The following CREB3L1 variants were observed in gnomAD, a reference collection of about 807,000 sequenced individuals.
CREB3L1 encodes cAMP responsive element binding protein 3 like 1.
Under a neutral mutation model 54.5 loss-of-function variants are expected in CREB3L1, and 33 were observed. That is an observed-to-expected ratio of 0.61 (90% CI 0.46 to 0.81). The LOEUF is 0.81. Among genes scored for constraint, CREB3L1 ranks in the 30% least tolerant of loss-of-function variants. The probability of loss-of-function intolerance (pLI) is 0.00; values close to 1 mark genes in which losing one functional copy is unlikely to be tolerated. For synonymous variants in CREB3L1, 284 were observed against 286.4 expected (o/e 0.99, Z 0.08); for missense variants, 656 against 673.3 (o/e 0.97, Z 0.29).
chr11:46,302,168 AAATAATAATAATAATAATAATAAT>A (rs61146206), intron 2 of CREB3L1, among the ~76,000 whole-genome samples: 5 of 135,628 alleles, frequency 3.7e-5, no homozygotes, highest in African/African-American at 1.1e-4. Context: ...GCTCCGTCTC[AAATAATAATAATAATAATAATAAT>A]AATAATAATA....
At chr11:46,296,807 A>G (rs746729051) in intron 1 of CREB3L1, among the ~76,000 whole-genome samples, 16 of 151,802 alleles carry the variant, frequency 1.1e-4, no homozygotes, top group Non-Finnish European at 2.1e-4. Context: ...TGGAAGCTCC[A>G]TCCTGCTGGG....
chr11:46,304,395 C>A lies in CREB3L1; in HGVS notation c.332-3421C>A, dbSNP rs573258514. ...GCTGAGGCAGTAGAATCGGTGAACC[C>A]GGGAGGCAGAGGTTGCGGTGAACTG... On this transcript the variant is annotated intron_variant, in intron 2 of 11. Transcript: ENST00000621158. 2.0e-5 allele frequency among the ~76,000 whole-genome samples: 3 copies of A among 152,178 alleles called. No homozygotes were observed. In the South Asian group the frequency reaches 6.2e-4, roughly 32 times the overall value.
chr11:46,321,106 C>T lies in CREB3L1; in HGVS notation c.*360C>T, dbSNP rs1478516372. ...ACAGACACCCCTTACCCCACCCCCA[C>T]TGTACAGAGACCAAGAACAGAAATT... is the stretch of plus-strand genomic sequence containing the variant. On this transcript the variant is annotated 3_prime_UTR_variant, in exon 12 of 12. Transcript: ENST00000621158. The T allele has an allele frequency of 1.9e-6, 1 of 519,588 alleles. No homozygotes were observed. Among genetic ancestry groups the T allele is most frequent in the African/African-American group, 1.9e-5 (1 of 52,624 alleles). 32.2% of individuals were successfully genotyped at this position (519,588 alleles called of 1,614,324 possible).
chr11:46,311,237 A>G, intron 5 of CREB3L1, 48 bp downstream of exon 5: 1 of 1,475,638 alleles, frequency 6.8e-7, no homozygotes, highest in Non-Finnish European at 9.0e-7. Context: ...AATTGAATAC[A>G]TCCACCTGAG....
chr11:46,312,723 C>A, intron 7 of CREB3L1, 53 bp downstream of exon 7: 3 of 1,575,010 alleles, frequency 1.9e-6, no homozygotes, highest in Non-Finnish European at 2.6e-6. Context: ...ACCTGCCCTC[C>A]CCTAGGCCCT....
chr11:46,316,193 G>C, intron 8 of CREB3L1, 93 bp from the exon 9 acceptor site: 1 of 759,882 alleles, frequency 1.3e-6, no homozygotes, highest in Non-Finnish European at 2.2e-6. Flanking sequence ...TGGCGTGGAG[G>C]CCAAGTCTGG....
chr11:46,312,371 A>C lies in CREB3L1; in HGVS notation c.800A>C (p.Lys267Thr), dbSNP rs1566191358. The stretch of plus-strand genomic sequence containing the variant: ...CCACTGCTCCTGACAGAGGAGGAGA[A>C]GCGGACCCTGATTGCTGAGGGCTAC... Reference protein sequence around the residue: ...SGPLLLTEEEKRTLIAEGYPI... With the variant: ...SGPLLLTEEETRTLIAEGYPI... Residue 267 changes from lysine to threonine, a missense_variant, in exon 6 of 12, where the codon AAG becomes ACG. Lys to Thr is a moderately conservative substitution (Grantham distance 78). Transcript: ENST00000621158. 1.2e-6 allele frequency: 2 copies of C among 1,613,200 alleles called. No individual in the cohort carries two copies. The highest frequency in any genetic ancestry group is 1.7e-6 in the Non-Finnish European group (2 of 1,179,536).
intron 9 of CREB3L1, 58 bp downstream of exon 9, chr11:46,316,443 C>T (rs1939568571): frequency 8.4e-7 from 1 of 1,197,422 alleles, no homozygotes; most frequent in Admixed American, 2.0e-5. Context: ...CCAAGGCTGG[C>T]TTTTTCCAGG....
At chr11:46,281,038 T>G (rs12291252) in intron 1 of CREB3L1, among the ~76,000 whole-genome samples, 12,182 of 151,868 alleles carry the variant, frequency 0.08, 1,686 homozygotes, top group African/African-American at 0.28. Flanking sequence ...GACAGGAGAG[T>G]GAGTACACAA....
chr11:46,317,612 T>A, intron 10 of CREB3L1, 125 bp downstream of exon 10: 1 of 1,251,524 alleles, frequency 8.0e-7, no homozygotes, highest in Non-Finnish European at 1.1e-6. Flanking sequence ...TCATTTTGCC[T>A]CATTTTCCAG....
intron 1 of CREB3L1, among the ~76,000 whole-genome samples, chr11:46,285,321 G>T (rs1224469534): frequency 1.3e-5 from 2 of 152,176 alleles, no homozygotes; most frequent in African/African-American, 4.8e-5. Flanking sequence ...GCAGGATGGA[G>T]GAGGAATATT....
rs146605536 is a variant in CREB3L1, at chr11:46,285,402, G to T, written c.102+7189G>T. ...CTCTTGAGCAGCCCTGGGGAAGCCAGACTGAATGGCAGGACCCTGGACCAG... is the reference window on the plus strand; with the variant it reads ...CTCTTGAGCAGCCCTGGGGAAGCCATACTGAATGGCAGGACCCTGGACCAG... On this transcript the variant is annotated intron_variant, in intron 1 of 11. Coordinates refer to ENST00000621158, the MANE Select transcript of CREB3L1 (RefSeq NM_052854.4). Among the ~76,000 whole-genome samples the T allele has an allele frequency of 2.8e-4, 42 of 152,304 alleles. 2 individuals carry two copies. The East Asian group carries it at 7.1e-3, about 26-fold the overall frequency.
At chr11:46,306,019 G>A (rs1470997301) in intron 2 of CREB3L1, among the ~76,000 whole-genome samples, 2 of 151,656 alleles carry the variant, frequency 1.3e-5, no homozygotes, top group African/African-American at 2.4e-5. Context: ...TTACAGACGT[G>A]AGCCACCGCG....
chr11:46,287,971 G>A (rs1162483762), intron 1 of CREB3L1, among the ~76,000 whole-genome samples: 1 of 150,574 alleles, frequency 6.6e-6, no homozygotes, highest in Non-Finnish European at 1.5e-5. Context: ...CTGAGATTCT[G>A]TCTCAAAAAA....
Position 46,278,091 on chromosome 11 carries a change from G to A in CREB3L1, c.-21G>A. The A allele has an allele frequency of 6.6e-7, 1 of 1,506,244 alleles. No individual in the cohort carries two copies. Among genetic ancestry groups the A allele is most frequent in the East Asian group, 2.5e-5 (1 of 40,092 alleles). 93.3% of individuals were successfully genotyped at this position (1,506,244 alleles called of 1,614,324 possible). A position where few individuals can be genotyped will look rare whatever the true frequency, so the allele number is the denominator to read the frequency against. Reference sequence around the variant, plus strand: ...GGAGTGAGGGAAGCCCAGTGGAAGGGGGTCCCGGGAGCCGGCTGCGATGGA... The same window carrying A: ...GGAGTGAGGGAAGCCCAGTGGAAGGAGGTCCCGGGAGCCGGCTGCGATGGA... On this transcript the variant is annotated 5_prime_UTR_variant, in exon 1 of 12. Coordinates refer to ENST00000621158, the MANE Select transcript of CREB3L1 (RefSeq NM_052854.4). This position sits in a 1 kb window ranked among gnomAD's most constrained non-coding sequence, Gnocchi z 4.2.
At chr11:46,289,840 GC>G (rs1939106578) in intron 1 of CREB3L1, among the ~76,000 whole-genome samples, 1 of 152,180 alleles carries the variant, frequency 6.6e-6, no homozygotes, top group African/African-American at 2.4e-5. Flanking sequence ...TTTTCAGCAG[GC>G]AGGAGGGAGC....
chr11:46,278,040 C>A lies in CREB3L1; in HGVS notation c.-72C>A. ...CCGTTTGCCAGCGCTCAGGCAGGAG[C>A]TCTGGACTGGGCGCGCCGCCGCCCT... On this transcript the variant is annotated 5_prime_UTR_variant, in exon 1 of 12. Transcript: ENST00000621158. This position sits in a 1 kb window ranked among gnomAD's most constrained non-coding sequence, Gnocchi z 4.2. The A allele has an allele frequency of 1.1e-6, 1 of 875,026 alleles. No individual in the cohort carries two copies. Among genetic ancestry groups the A allele is most frequent in the Non-Finnish European group, 1.7e-6 (1 of 585,630 alleles). The allele number at this position is 875,026 out of a possible 1,614,324, so 54.2% of individuals were successfully genotyped here.
In CREB3L1 at chr11:46,320,882, C is replaced by A; in HGVS notation, c.*136C>A. ...AGGAGAAAAGGCTCCACTTCCCAGCCCTTCCTTGCCCCTGACATTTGGACT... is the reference window on the plus strand; with the variant it reads ...AGGAGAAAAGGCTCCACTTCCCAGCACTTCCTTGCCCCTGACATTTGGACT... On this transcript the variant is annotated 3_prime_UTR_variant, in exon 12 of 12. Transcript: ENST00000621158. The A allele has an allele frequency of 1.1e-6, 1 of 910,560 alleles. No homozygotes were observed. The highest frequency in any genetic ancestry group is 1.4e-5 in the South Asian group (1 of 71,374). The allele number at this position is 910,560 out of a possible 1,614,324, so 56.4% of individuals were successfully genotyped here. A position where few individuals can be genotyped will look rare whatever the true frequency, so the allele number is the denominator to read the frequency against.
intron 5 of CREB3L1, 70 bp from the exon 6 acceptor site, chr11:46,312,255 G>C: frequency 1.5e-6 from 2 of 1,358,142 alleles, no homozygotes. Flanking sequence ...CATATAGATA[G>C]CACATGGCAG....
Sources: allele counts gnomAD v4.1 joint callset (sites outside exome capture counted in the v4.1 genomes callset), GRCh38; gene constraint gnomAD v4.1.1; non-coding constraint Gnocchi (gnomAD v3.1); transcripts MANE v1.5; gene names NCBI Gene and HGNC (gene_info 2026-07-23, HGNC 2026-07-21).